LRRC8A: variants seen among roughly 807,000 people sequenced by gnomAD.
LRRC8A encodes the protein volume-regulated anion channel subunit LRRC8A.
A neutral mutation model predicts 52.5 loss-of-function variants in LRRC8A; 24 were observed. That is an observed-to-expected ratio of 0.46 (90% CI 0.33 to 0.64). LRRC8A has a LOEUF of 0.64. Among genes scored for constraint, LRRC8A ranks in the 30% least tolerant of loss-of-function variants. The probability of loss-of-function intolerance (pLI) is 0.02; values close to 1 mark genes in which losing one functional copy is unlikely to be tolerated. For missense variants in LRRC8A, 677 were observed against 1,094.7 expected (o/e 0.62, Z 5.38); for synonymous variants, 492 against 494.2 (o/e 1.00, Z 0.06).
At chr9:128,886,669 G>A (rs1839409340) in intron 2 of LRRC8A, among the ~76,000 whole-genome samples, 1 of 152,204 alleles carries the variant, frequency 6.6e-6, no homozygotes, top group Non-Finnish European at 1.5e-5. Flanking sequence ...CTGTGCTTTG[G>A]AAAACAGTTC....
At chr9:128,915,818 A>G (rs1035825788) in intron 3 of LRRC8A, among the ~76,000 whole-genome samples, 4 of 152,152 alleles carry the variant, frequency 2.6e-5, no homozygotes, top group African/African-American at 4.8e-5. Context: ...TAGAGCCCAC[A>G]TCAAGGGGGT....
Position 128,916,449 on chromosome 9 carries a change from C to G in LRRC8A, c.*78C>G. 1.4e-5 allele frequency: 21 copies of G among 1,490,796 alleles called. No homozygotes were observed. The highest frequency in any genetic ancestry group is 1.9e-5 in the Non-Finnish European group (21 of 1,117,718). 92.3% of individuals were successfully genotyped at this position (1,490,796 alleles called of 1,614,324 possible). On this transcript the variant is annotated 3_prime_UTR_variant, in exon 4 of 4. Coordinates refer to ENST00000372600, the MANE Select transcript of LRRC8A (RefSeq NM_019594.4). The surrounding 1 kb of genome is among the most constrained non-coding windows in gnomAD (Gnocchi z 6.1). ...CCGGAGGGGCAGGCCTAGCTTCTCCCAGAACTCCCGGACAGCCAGGACAGC... is the reference window on the plus strand; with the variant it reads ...CCGGAGGGGCAGGCCTAGCTTCTCCGAGAACTCCCGGACAGCCAGGACAGC...
intron 2 of LRRC8A, among the ~76,000 whole-genome samples, chr9:128,898,301 A>G (rs1178048612): frequency 1.3e-5 from 2 of 151,874 alleles, no homozygotes; most frequent in Non-Finnish European, 2.9e-5. Flanking sequence ...GCTCACTGCA[A>G]CCTCCACCAC....
rs751754813 is a variant in LRRC8A at position 128,899,479 on chromosome 9, C to T, written c.-8-7678C>T. 9.2e-5 allele frequency among the ~76,000 whole-genome samples: 14 copies of T among 151,968 alleles called. No homozygotes were observed. Among genetic ancestry groups the T allele is most frequent in the Admixed American group, 2.0e-4 (3 of 15,262 alleles). On this transcript the variant is annotated intron_variant, in intron 2 of 3. Coordinates refer to ENST00000372600, the MANE Select transcript of LRRC8A (RefSeq NM_019594.4). This position sits in a 1 kb window ranked among gnomAD's most constrained non-coding sequence, Gnocchi z 4.0. ...ATCCAGGTTTGAACGCCACCTCTGT[C>T]ACTTATAGGCGGTATGAAGTTGGGC...
At chr9:128,887,833 C>T (rs1045465920) in intron 2 of LRRC8A, among the ~76,000 whole-genome samples, 9 of 151,674 alleles carry the variant, frequency 5.9e-5, no homozygotes, top group Admixed American at 3.3e-4. Context: ...TTAGTAGAGA[C>T]GGGGTTTCAC....
chr9:128,890,500 T>G (rs1189517967), intron 2 of LRRC8A, among the ~76,000 whole-genome samples: 4 of 152,136 alleles, frequency 2.6e-5, no homozygotes, highest in Non-Finnish European at 5.9e-5. Context: ...ACGGGCAGCA[T>G]GACAAACGCA....
intron 2 of LRRC8A, among the ~76,000 whole-genome samples, chr9:128,893,150 C>G (rs571593728): frequency 6.6e-6 from 1 of 152,250 alleles, no homozygotes; most frequent in South Asian, 2.1e-4. Context: ...CCAACTCTGC[C>G]ACACGGGGTC....
intron 2 of LRRC8A, among the ~76,000 whole-genome samples, chr9:128,904,861 G>A (rs1840174793): frequency 6.6e-6 from 1 of 151,912 alleles, no homozygotes; most frequent in African/African-American, 2.4e-5. Flanking sequence ...GCCGGGTGTG[G>A]TGGGCGGGTG....
At position 128,917,167 on chromosome 9, in the gene LRRC8A, G is replaced by C. The variant is rs184255017; in HGVS notation, c.*796G>C. On this transcript the variant is annotated 3_prime_UTR_variant, in exon 4 of 4. Coordinates refer to ENST00000372600, the MANE Select transcript of LRRC8A (RefSeq NM_019594.4). Reference sequence around the variant, plus strand: ...CAGTGAGTTGGAGTCTCAGGGCAGGGTGGCAGTTTCCCTTGAGCAAAGCAG... The same window carrying C: ...CAGTGAGTTGGAGTCTCAGGGCAGGCTGGCAGTTTCCCTTGAGCAAAGCAG... 1 of 152,380 alleles carries C rather than the reference G, an allele frequency of 6.6e-6. No individual in the cohort carries two copies. The highest frequency in any genetic ancestry group is 1.9e-4 in the East Asian group (1 of 5,184). 9.4% of individuals were successfully genotyped at this position (152,380 alleles called of 1,614,324 possible).
At chr9:128,915,211 G>A (rs558560636) in intron 3 of LRRC8A, among the ~76,000 whole-genome samples, 12 of 152,328 alleles carry the variant, frequency 7.9e-5, no homozygotes, top group South Asian at 6.2e-4. Flanking sequence ...AAGGTCCCCC[G>A]TGGATGCCTG....
intron 2 of LRRC8A, among the ~76,000 whole-genome samples, chr9:128,891,129 G>A (rs369167814): frequency 7.9e-5 from 12 of 152,174 alleles, no homozygotes; most frequent in African/African-American, 2.7e-4. Flanking sequence ...AAAATCAGCC[G>A]GGTATGGTGA....
chr9:128,884,469 AC>A (rs1182925220), intron 1 of LRRC8A, among the ~76,000 whole-genome samples: 1 of 152,186 alleles, frequency 6.6e-6, no homozygotes, highest in Non-Finnish European at 1.5e-5. Flanking sequence ...GGCTGGGAAA[AC>A]ATCCCTGGCC....
At chr9:128,915,874 G>C (rs1840791813) in intron 3 of LRRC8A, among the ~76,000 whole-genome samples, 1 of 152,212 alleles carries the variant, frequency 6.6e-6, no homozygotes, top group Non-Finnish European at 1.5e-5. Context: ...TGGGGGCCAT[G>C]AGACCCAGGA....
intron 2 of LRRC8A, among the ~76,000 whole-genome samples, chr9:128,898,560 T>G (rs117988505): frequency 6.6e-6 from 1 of 152,344 alleles, no homozygotes; most frequent in Non-Finnish European, 1.5e-5. Context: ...CAGGCCTATT[T>G]TGCTCTCCAC....
rs544657240 is a variant in LRRC8A at position 128,891,595 on chromosome 9, C to T, written c.-9+5474C>T. On this transcript the variant is annotated intron_variant, in intron 2 of 3. Coordinates refer to ENST00000372600, the MANE Select transcript of LRRC8A (RefSeq NM_019594.4). ...AAAACGGCCTGCCTTCTAGGCCCTTCTGCCCCCAGGGCCCAGACCCAACAC... is the reference window on the plus strand; with the variant it reads ...AAAACGGCCTGCCTTCTAGGCCCTTTTGCCCCCAGGGCCCAGACCCAACAC... Among the ~76,000 whole-genome samples the T allele has an allele frequency of 7.2e-4, 109 of 152,298 alleles. No homozygotes were observed. The Middle Eastern group carries it at 0.014, about 19-fold the overall frequency.
In LRRC8A at chr9:128,902,391, C is replaced by T. The variant is rs1214952373; in HGVS notation, c.-8-4766C>T. Among the ~76,000 whole-genome samples the T allele has an allele frequency of 2.0e-5, 3 of 152,158 alleles. No individual in the cohort carries two copies. Among genetic ancestry groups the T allele is most frequent in the South Asian group, 2.1e-4 (1 of 4,820 alleles). On this transcript the variant is annotated intron_variant, in intron 2 of 3. Transcript: ENST00000372600. This position sits in a 1 kb window ranked among gnomAD's most constrained non-coding sequence, Gnocchi z 4.1. ...TGTGTGACTGAGCTGGGAACACTTC[C>T]TGCCTCAGAAGGAGGAGTCTGGGTG...
intron 2 of LRRC8A, among the ~76,000 whole-genome samples, 184 bp from the exon 3 acceptor site, chr9:128,906,972 CA>C (rs935273337): frequency 1.3e-5 from 2 of 152,244 alleles, no homozygotes; most frequent in Non-Finnish European, 2.9e-5. Context: ...CAAGTGGCCA[CA>C]TGCTTTCTGC....
intron 2 of LRRC8A, among the ~76,000 whole-genome samples, chr9:128,897,964 A>T (rs888916248): frequency 4.6e-5 from 7 of 151,396 alleles, no homozygotes; most frequent in Admixed American, 4.6e-4. Context: ...CTGTCTCAAA[A>T]AAAAAAAAAA....
Position 128,899,357 on chromosome 9 carries a change from G to A in LRRC8A, c.-8-7800G>A, listed in dbSNP as rs1212414574. ...CTCCCTTCCCTTCCGGGGCATTTCT[G>A]ACCACACCCAGGTGCACCCCAAGAA... On this transcript the variant is annotated intron_variant, in intron 2 of 3. Coordinates refer to ENST00000372600, the MANE Select transcript of LRRC8A (RefSeq NM_019594.4). This position sits in a 1 kb window ranked among gnomAD's most constrained non-coding sequence, Gnocchi z 4.0. Among the ~76,000 whole-genome samples, 1 of 151,712 alleles carries A rather than the reference G, an allele frequency of 6.6e-6. No individual in the cohort carries two copies. The highest frequency in any genetic ancestry group is 2.4e-5 in the African/African-American group (1 of 41,264).
Sources: gnomAD v4.1 joint callset for allele counts (sites outside exome capture counted in the v4.1 genomes callset) on GRCh38, gnomAD v4.1.1 for gene constraint, Gnocchi (gnomAD v3.1) non-coding constraint, MANE v1.5 for transcripts, NCBI Gene and HGNC (gene_info 2026-07-23, HGNC 2026-07-21) for gene names.